The following LOC400499 variants were observed in gnomAD, a reference collection of about 807,000 sequenced individuals.
the LOC400499 span, chr16:11,385,284 C>T: frequency 1.1e-5 from 14 of 1,232,154 alleles, no homozygotes; most frequent in African/African-American, 3.1e-5. Flanking sequence ...CGAGCCTGTC[C>T]GACTCAGCGT....
At chr16:11,492,303 C>T in the LOC400499 span, among the ~76,000 whole-genome samples, 26 of 89,668 alleles carry the variant, frequency 2.9e-4, no homozygotes, top group African/African-American at 1.1e-3. Context: ...TTCACCCATC[C>T]ACCCACCCAT....
the LOC400499 span, chr16:11,391,755 CACAAAGTG>C: frequency 8.1e-7 from 1 of 1,232,232 alleles, no homozygotes; most frequent in Admixed American, 4.2e-5. Context: ...GCTCCGGGCC[CACAAAGTG>C]GCTACTGCCC....
chr16:11,418,656 C>T, the LOC400499 span, among the ~76,000 whole-genome samples: 8 of 152,232 alleles, frequency 5.3e-5, no homozygotes, highest in Admixed American at 2.0e-4. Context: ...CCCTCCCTTG[C>T]GGTCTGGATC....
At chr16:11,489,804 G>A in the LOC400499 span, among the ~76,000 whole-genome samples, 1 of 152,322 alleles carries the variant, frequency 6.6e-6, no homozygotes, top group East Asian at 1.9e-4. Flanking sequence ...TCTTCAGAAT[G>A]TAATTCAGCA....
chr16:11,460,338 C>G, the LOC400499 span: 1 of 1,122,756 alleles, frequency 8.9e-7, no homozygotes, highest in South Asian at 2.0e-5. Flanking sequence ...GACTGAAGTT[C>G]CAGCCCCGGA....
At chr16:11,526,686 G>C in the LOC400499 span, among the ~76,000 whole-genome samples, 1 of 152,138 alleles carries the variant, frequency 6.6e-6, no homozygotes, top group Non-Finnish European at 1.5e-5. Context: ...ATTTGTATGT[G>C]TGGGTACTAG....
chr16:11,402,956 T>C, the LOC400499 span, among the ~76,000 whole-genome samples: 3 of 152,108 alleles, frequency 2.0e-5, no homozygotes, highest in Non-Finnish European at 2.9e-5. Context: ...TGCTGTCCTG[T>C]GCTCTCCTTC....
the LOC400499 span, among the ~76,000 whole-genome samples, chr16:11,431,675 G>T: frequency 6.6e-6 from 1 of 151,926 alleles, no homozygotes; most frequent in Non-Finnish European, 1.5e-5. Context: ...CAAAGTGCTG[G>T]GATTACAGGC....
At chr16:11,522,421 G>A in the LOC400499 span, among the ~76,000 whole-genome samples, 1 of 152,188 alleles carries the variant, frequency 6.6e-6, no homozygotes, top group Non-Finnish European at 1.5e-5. Flanking sequence ...CTGTTTGTGA[G>A]GGCTGTCCTC....
chr16:11,519,423 A>G, the LOC400499 span, among the ~76,000 whole-genome samples: 4,718 of 152,104 alleles, frequency 0.031, 107 homozygotes, highest in Non-Finnish European at 0.045. Context: ...TATCCTCCCT[A>G]AATAACTGAT....
the LOC400499 span, among the ~76,000 whole-genome samples, chr16:11,411,672 G>C: frequency 3.3e-5 from 5 of 152,076 alleles, no homozygotes; most frequent in Non-Finnish European, 7.4e-5. Context: ...ATGGCTCTGG[G>C]CTTCAAGTCT....
At chr16:11,405,987 T>C in the LOC400499 span, among the ~76,000 whole-genome samples, 485 of 152,320 alleles carry the variant, frequency 3.2e-3, 2 homozygotes, top group Middle Eastern at 0.01. Context: ...GCCCTTTGCA[T>C]GTCTTGTTCC....
the LOC400499 span, among the ~76,000 whole-genome samples, chr16:11,448,763 GGAAAGA>G: frequency 1.3e-4 from 20 of 151,938 alleles, no homozygotes; most frequent in Non-Finnish European, 2.6e-4. Context: ...AAAAGGAAAA[GGAAAGA>G]GAAAGAGAAA....
chr16:11,458,560 T>G, the LOC400499 span, among the ~76,000 whole-genome samples: 1 of 148,112 alleles, frequency 6.8e-6, no homozygotes, highest in Non-Finnish European at 1.5e-5. Context: ...TTAGCTAGAG[T>G]AGTCAAAAAT....
chr16:11,414,893 CACTT>C, the LOC400499 span, among the ~76,000 whole-genome samples: 1 of 152,052 alleles, frequency 6.6e-6, no homozygotes, highest in Non-Finnish European at 1.5e-5. Flanking sequence ...TGACCTCGCT[CACTT>C]ACTTATTAGG....
chr16:11,510,604 C>G, the LOC400499 span, among the ~76,000 whole-genome samples: 3 of 151,682 alleles, frequency 2.0e-5, no homozygotes, highest in Non-Finnish European at 2.9e-5. Flanking sequence ...TGATTTCCCC[C>G]TCCCAGGAGG....
chr16:11,387,275 A>T, the LOC400499 span: 1 of 1,232,268 alleles, frequency 8.1e-7, no homozygotes, highest in South Asian at 4.1e-5. Context: ...CAGTGGCAGC[A>T]TCACCACCAC....
At chr16:11,394,606 G>A in the LOC400499 span, among the ~76,000 whole-genome samples, 926 of 152,352 alleles carry the variant, frequency 6.1e-3, 5 homozygotes, top group Admixed American at 0.015. Flanking sequence ...GTGTTATTCG[G>A]AAATAGGTTT....
At chr16:11,460,374 G>T in the LOC400499 span, 1 of 1,320,710 alleles carries the variant, frequency 7.6e-7, no homozygotes, top group Non-Finnish European at 1.0e-6. Flanking sequence ...CTATGTGATT[G>T]TGAGCAAGTC....
Sources: allele counts gnomAD v4.1 joint callset (sites outside exome capture counted in the v4.1 genomes callset), GRCh38; gene constraint gnomAD v4.1.1; transcripts MANE v1.5.